The following CNST variants were observed in gnomAD, a reference collection of about 807,000 sequenced individuals.
CNST encodes consortin.
Under a neutral mutation model 72.4 loss-of-function variants are expected in CNST, and 39 were observed. The observed-to-expected ratio is 0.54, with a 90% CI of 0.42 to 0.70. The LOEUF is 0.70. Among genes scored for constraint, CNST ranks in the 30% least tolerant of loss-of-function variants. The pLI, the probability that CNST is intolerant of heterozygous loss-of-function variation, is 0.00. For synonymous variants in CNST, 332 were observed against 320.1 expected, an observed-to-expected ratio of 1.04 and a Z score of -0.40; for missense variants, 871 against 868.5, an observed-to-expected ratio of 1.00 and a Z score of -0.04.
chr1:246,610,497 A>G (rs1164150201), intron 2 of CNST, among the ~76,000 whole-genome samples: 3 of 152,154 alleles, frequency 2.0e-5, no homozygotes, highest in Non-Finnish European at 2.9e-5. Flanking sequence ...CTTTCACCAG[A>G]ATGGGCCACA....
At chr1:246,626,449 T>TC (rs1314783451) in intron 3 of CNST, among the ~76,000 whole-genome samples, 9 of 121,666 alleles carry the variant, frequency 7.4e-5, no homozygotes, top group African/African-American at 2.9e-4. Context: ...TGTAGGTTTG[T>TC]CCTTTTTTTT....
At chr1:246,629,801 G>A (rs113558794) in intron 3 of CNST, among the ~76,000 whole-genome samples, 5 of 152,068 alleles carry the variant, frequency 3.3e-5, no homozygotes, top group East Asian at 1.9e-4. Flanking sequence ...GCGCAATTTC[G>A]GCTCACTGCA....
At position 246,587,450 on chromosome 1, in the gene CNST, G is replaced by A. The variant is rs180687438; in HGVS notation, c.-51-4062G>A. On this transcript the variant is annotated intron_variant, in intron 1 of 10. Coordinates refer to ENST00000366513, the MANE Select transcript of CNST (RefSeq NM_152609.3). ...TCCATGAGGATATATAGTTGATACA[G>A]GCAGTAAACATGATTTTTGTTTTAA... 4.3e-3 allele frequency among the ~76,000 whole-genome samples: 655 copies of A among 152,334 alleles called. 1 individual carries two copies. The highest frequency in any genetic ancestry group is 7.2e-3 in the Non-Finnish European group (488 of 68,038).
intron 2 of CNST, among the ~76,000 whole-genome samples, chr1:246,592,503 A>T (rs1459428990): frequency 1.3e-5 from 2 of 152,226 alleles, no homozygotes; most frequent in African/African-American, 2.4e-5. Flanking sequence ...AAAGAAAAGA[A>T]AAAGTGCTGA....
chr1:246,637,492 C>T (rs924318544), intron 6 of CNST, among the ~76,000 whole-genome samples: 1 of 152,178 alleles, frequency 6.6e-6, no homozygotes, highest in Non-Finnish European at 1.5e-5. Context: ...GGCCCTAAGA[C>T]AAAAGTTCGT....
chr1:246,665,943 A>G lies in CNST; in HGVS notation c.*38A>G. On this transcript the variant is annotated 3_prime_UTR_variant, in exon 11 of 11. Transcript: ENST00000366513. ...CACAGACATGCTGGCAGTGAGAGTG[A>G]AAGGCGGGAGACTTTCTAAACAGTT... 1 of 1,436,224 alleles carries G rather than the reference A, an allele frequency of 7.0e-7. No individual in the cohort carries two copies. Among genetic ancestry groups the G allele is most frequent in the Non-Finnish European group, 9.8e-7 (1 of 1,025,154 alleles). The allele number at this position is 1,436,224 out of a possible 1,614,324, so 89.0% of individuals were successfully genotyped here.
chr1:246,567,377 A>G (rs1050525404), intron 1 of CNST, among the ~76,000 whole-genome samples: 1 of 151,876 alleles, frequency 6.6e-6, no homozygotes, highest in African/African-American at 2.4e-5. Context: ...CTATTGGGCA[A>G]TGTTAGAAGA....
At position 246,591,639 on chromosome 1, in the gene CNST, A is replaced by G; in HGVS notation, c.77A>G (p.Glu26Gly). 6.2e-7 allele frequency: 1 copy of G among 1,614,228 alleles called. No homozygotes were observed. The highest frequency in any genetic ancestry group is 1.3e-5 in the African/African-American group (1 of 75,064). Residue 26 changes from glutamate to glycine, a missense_variant, in exon 2 of 11, where the codon GAA (glutamate) becomes GGA (glycine). Transcript: ENST00000366513. ...QDGCHPGDSV[E>G]RSVTCLPSAS... ...GGATGTCATCCTGGTGACAGCGTGGAAAGGAGTGTGACCTGTCTGCCTTCT... is the reference window on the plus strand; with the variant it reads ...GGATGTCATCCTGGTGACAGCGTGGGAAGGAGTGTGACCTGTCTGCCTTCT...
intron 9 of CNST, among the ~76,000 whole-genome samples, chr1:246,650,118 T>C (rs1231188428): frequency 6.6e-6 from 1 of 152,100 alleles, no homozygotes; most frequent in South Asian, 2.1e-4. Flanking sequence ...TTGTTTATAT[T>C]GGGGAAAAAA....
intron 6 of CNST, among the ~76,000 whole-genome samples, chr1:246,641,143 G>A (rs1665661398): frequency 6.6e-6 from 1 of 152,154 alleles, no homozygotes; most frequent in African/African-American, 2.4e-5. Context: ...TGTAACAGTG[G>A]TTTGCTCTGT....
chr1:246,641,569 T>C (rs1210683314), intron 6 of CNST, among the ~76,000 whole-genome samples, 180 bp from the exon 7 acceptor site: 1 of 152,204 alleles, frequency 6.6e-6, no homozygotes, highest in Non-Finnish European at 1.5e-5. Flanking sequence ...AAACACATGA[T>C]ATAGCTGCAC....
chr1:246,599,813 A>T lies in CNST; in HGVS notation c.379+7872A>T, dbSNP rs564613642. On this transcript the variant is annotated intron_variant, in intron 2 of 10. Coordinates refer to ENST00000366513, the MANE Select transcript of CNST (RefSeq NM_152609.3). ...ACAGAATAATTCTTCACTTTATAAA[A>T]GTTTTTCTGACATTATTTTGTAGAC... Among the ~76,000 whole-genome samples, 5 of 152,338 alleles carry T rather than the reference A, an allele frequency of 3.3e-5. No homozygotes were observed. The South Asian group carries it at 1.0e-3, about 32-fold the overall frequency.
intron 2 of CNST, among the ~76,000 whole-genome samples, chr1:246,616,039 T>TA (rs1663665981): frequency 6.6e-6 from 1 of 152,172 alleles, no homozygotes; most frequent in South Asian, 2.1e-4. Flanking sequence ...CCAAGTTATT[T>TA]AATGGGTAGT....
chr1:246,605,093 T>C (rs1662623724), intron 2 of CNST, among the ~76,000 whole-genome samples: 1 of 152,260 alleles, frequency 6.6e-6, no homozygotes, highest in Non-Finnish European at 1.5e-5. Flanking sequence ...TATAAGGTCA[T>C]GTAAATTTTG....
chr1:246,629,271 C>T, intron 3 of CNST, among the ~76,000 whole-genome samples: 1 of 152,184 alleles, frequency 6.6e-6, no homozygotes, highest in Non-Finnish European at 1.5e-5. Flanking sequence ...ACTGGGCTAG[C>T]TTTCAGATTT....
chr1:246,663,195 AAAT>A (rs1667205459), intron 10 of CNST, among the ~76,000 whole-genome samples: 1 of 151,874 alleles, frequency 6.6e-6, no homozygotes, highest in Non-Finnish European at 1.5e-5. Context: ...TCTCTACAAA[AAAT>A]ACAGAAATTA....
At chr1:246,634,387 A>T in intron 5 of CNST, 86 bp from the exon 6 acceptor site, 1 of 704,940 alleles carries the variant, frequency 1.4e-6, no homozygotes, top group Non-Finnish European at 2.4e-6. Context: ...AATCTTTATG[A>T]GTGGTGCTAG....
At chr1:246,634,205 T>C in intron 5 of CNST, 195 bp downstream of exon 5, 1 of 560,894 alleles carries the variant, frequency 1.8e-6, no homozygotes, top group Non-Finnish European at 3.1e-6. Context: ...TGTATTTTGC[T>C]CTTCATATCA....
intron 2 of CNST, among the ~76,000 whole-genome samples, chr1:246,618,930 C>G (rs776781803): frequency 4.1e-4 from 62 of 152,106 alleles, no homozygotes; most frequent in Non-Finnish European, 7.4e-4. Flanking sequence ...CTTTGAAAGT[C>G]CATCCTTCTT....
Sources: allele counts gnomAD v4.1 joint callset (sites outside exome capture counted in the v4.1 genomes callset), GRCh38; gene constraint gnomAD v4.1.1; transcripts MANE v1.5; gene names NCBI Gene and HGNC (gene_info 2026-07-23, HGNC 2026-07-21).